The following BMPR1B variants were observed in gnomAD, a reference collection of about 807,000 sequenced individuals.
BMPR1B encodes bone morphogenetic protein receptor type 1B, also known as bone morphogenetic protein receptor type-1B.
Under a neutral mutation model 59.1 loss-of-function variants are expected in BMPR1B, and 12 were observed. The ratio of observed to expected loss-of-function variants is 0.20; its 90% confidence interval spans 0.13 to 0.33. BMPR1B has a LOEUF of 0.33. Ranked by LOEUF, BMPR1B falls within the 10% of genes least tolerant of loss-of-function variation. The pLI is 1.00. For missense variants in BMPR1B, 550 were observed against 610.9 expected, an observed-to-expected ratio of 0.90 and a Z score of 1.05; for synonymous variants, 237 against 207.3, an observed-to-expected ratio of 1.14 and a Z score of -1.23.
At chr4:94,930,944 T>TTTTATGAGGACTAAG (rs1578815320) in intron 2 of BMPR1B, among the ~76,000 whole-genome samples, 1 of 152,186 alleles carries the variant, frequency 6.6e-6, no homozygotes, top group East Asian at 1.9e-4. Flanking sequence ...GTTTTGTCAG[T>TTTTATGAGGACTAAG]TTTATGAGGA....
At chr4:94,861,024 C>T (rs1195253617) in intron 1 of BMPR1B, among the ~76,000 whole-genome samples, 1 of 151,636 alleles carries the variant, frequency 6.6e-6, no homozygotes, top group Non-Finnish European at 1.5e-5. Context: ...AGATCCCATC[C>T]CATTCCATTT....
chr4:95,076,094 A>G (rs978965821), intron 3 of BMPR1B, among the ~76,000 whole-genome samples: 2 of 152,176 alleles, frequency 1.3e-5, no homozygotes, highest in African/African-American at 4.8e-5. Context: ...GGAAGTGTTC[A>G]GTGAATAGGC....
At chr4:94,792,453 T>C (rs986890880) in intron 1 of BMPR1B, among the ~76,000 whole-genome samples, 2 of 151,986 alleles carry the variant, frequency 1.3e-5, no homozygotes, top group Admixed American at 1.3e-4. Context: ...CTCATCACTC[T>C]TTTTTTCCAG....
intron 2 of BMPR1B, among the ~76,000 whole-genome samples, chr4:94,927,259 C>T (rs754333935): frequency 6.6e-6 from 1 of 152,128 alleles, no homozygotes; most frequent in Non-Finnish European, 1.5e-5. Flanking sequence ...TTACTATGAT[C>T]AGATCATTAG....
intron 6 of BMPR1B, among the ~76,000 whole-genome samples, chr4:95,122,279 T>C (rs983265334): frequency 3.3e-5 from 5 of 151,124 alleles, no homozygotes; most frequent in Admixed American, 6.6e-5. Flanking sequence ...GAGGTTGCAG[T>C]AAGCTGAGAT....
chr4:94,868,836 C>T (rs1356870644), intron 1 of BMPR1B, among the ~76,000 whole-genome samples: 1 of 152,192 alleles, frequency 6.6e-6, no homozygotes, highest in Non-Finnish European at 1.5e-5. Flanking sequence ...TATTTCACCT[C>T]AAGTATTCCC....
In BMPR1B at chr4:94,896,039, T is replaced by C. The variant is rs116650866; in HGVS notation, c.-113+20139T>C. ...GTAACTAGCAATCTTTTAGCAAGGA[T>C]AGCAGTAAAACTTTCTACTTCTACA... On this transcript the variant is annotated intron_variant, in intron 2 of 12. Transcript: ENST00000515059. Among the ~76,000 whole-genome samples, 865 of 152,154 alleles carry C rather than the reference T, an allele frequency of 5.7e-3. 6 individuals carry two copies. The highest frequency in any genetic ancestry group is 0.02 in the African/African-American group (816 of 41,556).
At chr4:94,972,027 A>G (rs1038644395) in intron 2 of BMPR1B, among the ~76,000 whole-genome samples, 4 of 151,824 alleles carry the variant, frequency 2.6e-5, no homozygotes, top group East Asian at 1.9e-4. Context: ...CTGAGAATCA[A>G]TAAAGGAAAT....
intron 2 of BMPR1B, among the ~76,000 whole-genome samples, chr4:94,908,787 T>C (rs1356075996): frequency 6.6e-6 from 1 of 152,080 alleles, no homozygotes; most frequent in East Asian, 1.9e-4. Flanking sequence ...AAAAACATTA[T>C]AAAAACCCTT....
intron 3 of BMPR1B, among the ~76,000 whole-genome samples, chr4:95,085,354 G>A (rs564587529): frequency 5.9e-5 from 9 of 152,196 alleles, no homozygotes; most frequent in Non-Finnish European, 1.0e-4. Flanking sequence ...TTGTGAAGTC[G>A]AGAGAGGCAA....
chr4:94,846,483 A>G (rs1322267591), intron 1 of BMPR1B, among the ~76,000 whole-genome samples: 1 of 152,122 alleles, frequency 6.6e-6, no homozygotes, highest in Non-Finnish European at 1.5e-5. Context: ...TGCAGCTAGA[A>G]TGTAAGCAGG....
At chr4:94,987,555 C>G (rs1420248423) in intron 2 of BMPR1B, among the ~76,000 whole-genome samples, 1 of 152,044 alleles carries the variant, frequency 6.6e-6, no homozygotes, top group African/African-American at 2.4e-5. Flanking sequence ...CTGAGTCCCT[C>G]CTTCCTGGGA....
At chr4:95,032,221 T>C (rs1724918469) in intron 3 of BMPR1B, among the ~76,000 whole-genome samples, 1 of 152,072 alleles carries the variant, frequency 6.6e-6, no homozygotes, top group South Asian at 2.1e-4. Context: ...TGCAGCTGGC[T>C]ACCATTTTGC....
intron 1 of BMPR1B, among the ~76,000 whole-genome samples, chr4:94,861,215 C>A (rs1157798741): frequency 1.3e-5 from 2 of 152,176 alleles, no homozygotes; most frequent in Non-Finnish European, 2.9e-5. Context: ...GTTATTTAAT[C>A]CCTCTGTGTC....
chr4:94,793,352 A>AT (rs1193530239), intron 1 of BMPR1B, among the ~76,000 whole-genome samples: 6 of 151,448 alleles, frequency 4.0e-5, no homozygotes, highest in Non-Finnish European at 8.8e-5. Context: ...TGAACTCATC[A>AT]TTTTTTATGG....
intron 3 of BMPR1B, among the ~76,000 whole-genome samples, chr4:95,060,646 C>T (rs1727293728): frequency 6.6e-6 from 1 of 152,146 alleles, no homozygotes; most frequent in African/African-American, 2.4e-5. Flanking sequence ...CTATGAAGCG[C>T]CTGGAAATCT....
At chr4:95,026,142 C>CTTTCTTTCTTTCTT (rs1553928507) in intron 3 of BMPR1B, among the ~76,000 whole-genome samples, 2 of 146,832 alleles carry the variant, frequency 1.4e-5, no homozygotes, top group East Asian at 4.0e-4. Flanking sequence ...TTCTTTCTTT[C>CTTTCTTTCTTTCTT]TTTCTTTCTT....
At chr4:94,803,009 T>C (rs947173927) in intron 1 of BMPR1B, among the ~76,000 whole-genome samples, 1 of 152,142 alleles carries the variant, frequency 6.6e-6, no homozygotes, top group South Asian at 2.1e-4. Flanking sequence ...GGGCATCGTT[T>C]CTTGTTCTCC....
intron 2 of BMPR1B, among the ~76,000 whole-genome samples, chr4:94,905,006 CT>C (rs1456633561): frequency 6.6e-6 from 1 of 151,958 alleles, no homozygotes; most frequent in African/African-American, 2.4e-5. Flanking sequence ...TAAATAATTT[CT>C]ATTTTTGGCA....
Sources: gnomAD v4.1 joint callset for allele counts (sites outside exome capture counted in the v4.1 genomes callset) on GRCh38, gnomAD v4.1.1 for gene constraint, MANE v1.5 for transcripts, NCBI Gene and HGNC (gene_info 2026-07-23, HGNC 2026-07-21) for gene names.